MROH2B: variants seen among roughly 807,000 people sequenced by gnomAD.
The protein encoded by MROH2B is maestro heat like repeat family member 2B.
In MROH2B, 177 loss-of-function variants were observed where a neutral mutation model predicts 208.6. The ratio of observed to expected loss-of-function variants is 0.85; its 90% CI spans 0.75 to 0.96. MROH2B has a LOEUF of 0.96. Ranked by LOEUF, MROH2B falls within the 40% of genes least tolerant of loss-of-function variation. The pLI is 0.00. For synonymous variants in MROH2B, 728 were observed against 659.0 expected, an observed-to-expected ratio of 1.10 and a Z score of -1.60; for missense variants, 2,002 against 1,878.7, an observed-to-expected ratio of 1.07 and a Z score of -1.21.
intron 30 of MROH2B, among the ~76,000 whole-genome samples, chr5:41,010,880 C>T (rs1031599532): frequency 4.6e-5 from 7 of 151,970 alleles, no homozygotes; most frequent in East Asian, 1.9e-4. Flanking sequence ...GTGAGGGGAG[C>T]GGGTAGATGG....
chr5:41,032,914 G>A (rs752794171), intron 23 of MROH2B, 93 bp from the exon 24 acceptor site: 1 of 1,544,946 alleles, frequency 6.5e-7, no homozygotes, highest in Non-Finnish European at 8.8e-7. Context: ...GGGTGCCCTG[G>A]GTCATAAACA....
rs11297360 is a variant in MROH2B, at chr5:41,045,628, CTT to C, written c.1836+116_1836+117del. ...CTAGTGGCCTTAAAAAGAGGGAACT[CTT>C]TTTTTTTTTAAATGTTCCTCCCTCC... On this transcript the variant is annotated intron_variant, in intron 18 of 41. Transcript: ENST00000399564. 4,507 of 588,018 alleles carry C rather than the reference CTT, an allele frequency of 7.7e-3. 1 individual carries two copies. The highest frequency in any genetic ancestry group is 9.2e-3 in the Non-Finnish European group (3,060 of 334,422). The allele number at this position is 588,018 out of a possible 1,614,324, so 36.4% of individuals were successfully genotyped here.
At chr5:41,002,240 A>C (rs922400775) in intron 37 of MROH2B, among the ~76,000 whole-genome samples, 3 of 152,202 alleles carry the variant, frequency 2.0e-5, no homozygotes, top group Non-Finnish European at 4.4e-5. Context: ...CGAGATGATG[A>C]AAAATCAGAA....
intron 12 of MROH2B, among the ~76,000 whole-genome samples, chr5:41,052,097 G>A (rs908468515): frequency 6.6e-6 from 1 of 151,874 alleles, no homozygotes; most frequent in East Asian, 1.9e-4. Context: ...AAGCAATCCA[G>A]TCTCTGTGTC....
rs1743645572 is a variant in MROH2B at position 41,061,652 on chromosome 5, T to C, written c.533A>G (p.Asp178Gly). ...GATCTTGTCAGACAGTCGGTTGGCA[T>C]CCAGTCTGGGGTAGGGAAAATCTCT... ...HWRDFPYPRL[D>G]ANRLSDKIFM... is the part of the protein sequence containing the mutation. Residue 178 changes from aspartate to glycine, a missense_variant, in exon 6 of 42, where the codon GAT becomes GGT. Transcript: ENST00000399564. The C allele has an allele frequency of 6.2e-7, 1 of 1,613,824 alleles. No homozygotes were observed. The highest frequency in any genetic ancestry group is 1.7e-5 in the Admixed American group (1 of 59,988).
chr5:41,010,577 T>C (rs980192028), intron 30 of MROH2B, among the ~76,000 whole-genome samples: 2 of 152,144 alleles, frequency 1.3e-5, no homozygotes, highest in Admixed American at 6.5e-5. Flanking sequence ...GGAAAGGGCA[T>C]CCTTGTCAGA....
rs571549815 is a variant in MROH2B, at chr5:41,010,412, C to CCTGT, written c.3136-337_3136-334dup. Reference sequence around the variant, plus strand: ...AGAATATCAATCATAGACCTAAAGGCCTGTAGTCAAGGCAGTCTATGGCAA... The same window carrying CCTGT: ...AGAATATCAATCATAGACCTAAAGGCCTGTCTGTAGTCAAGGCAGTCTATGGCAA... On this transcript the variant is annotated intron_variant, in intron 30 of 41. Transcript: ENST00000399564. Among the ~76,000 whole-genome samples, 221 of 152,224 alleles carry CCTGT rather than the reference C, an allele frequency of 1.5e-3. 2 individuals carry two copies. The highest frequency in any genetic ancestry group is 0.01 in the Middle Eastern group (3 of 294).
chr5:41,059,320 A>G (rs539500523), intron 6 of MROH2B, among the ~76,000 whole-genome samples: 1 of 152,192 alleles, frequency 6.6e-6, no homozygotes, highest in East Asian at 1.9e-4. Flanking sequence ...CACAAATGTT[A>G]TGTTGAAGAA....
At position 41,047,748 on chromosome 5, in the gene MROH2B, G is replaced by T. The variant is rs771699267; in HGVS notation, c.1701C>A (p.Thr567=). ...LQPLEGKNIS[T]VLWETMLLQL... is the part of the protein sequence containing the mutation. ...GAAGCAGCATGGTTTCCCATAGAAC[G>T]GTACTGATGTTCTTTCCTAGAAACA... Residue 567 remains threonine, a synonymous_variant, in exon 17 of 42, where the codon ACC becomes ACA. Transcript: ENST00000399564. 2 of 1,593,352 alleles carry T rather than the reference G, an allele frequency of 1.3e-6. No homozygotes were observed. The highest frequency in any genetic ancestry group is 4.5e-5 in the East Asian group (2 of 44,310).
intron 24 of MROH2B, 42 bp from the exon 25 acceptor site, chr5:41,019,060 C>A: frequency 6.2e-7 from 1 of 1,611,246 alleles, no homozygotes; most frequent in Non-Finnish European, 8.5e-7. Context: ...TTACAGTGAC[C>A]ATCAGAACAT....
chr5:41,023,543 G>C (rs1338329410), intron 24 of MROH2B, among the ~76,000 whole-genome samples: 1 of 152,218 alleles, frequency 6.6e-6, no homozygotes, highest in Non-Finnish European at 1.5e-5. Flanking sequence ...GGGACTATGT[G>C]AAAAGACCAA....
intron 29 of MROH2B, among the ~76,000 whole-genome samples, chr5:41,013,276 A>C (rs1679690488): frequency 6.6e-6 from 1 of 152,200 alleles, no homozygotes; most frequent in Admixed American, 6.5e-5. Context: ...AGAACAGTCC[A>C]TAAAAGGTCA....
intron 28 of MROH2B, among the ~76,000 whole-genome samples, chr5:41,016,087 G>A (rs975611314): frequency 2.6e-5 from 4 of 152,272 alleles, no homozygotes; most frequent in Admixed American, 6.5e-5. Context: ...TGGGACACAC[G>A]TGGACTTTGA....
chr5:41,037,637 T>C (rs928066423), intron 21 of MROH2B, among the ~76,000 whole-genome samples: 3 of 152,214 alleles, frequency 2.0e-5, no homozygotes, highest in Non-Finnish European at 4.4e-5. Context: ...TGCATCAACA[T>C]GTGGTTTGTG....
intron 2 of MROH2B, among the ~76,000 whole-genome samples, chr5:41,069,258 T>C (rs1743906796): frequency 6.6e-6 from 1 of 152,226 alleles, no homozygotes; most frequent in Admixed American, 6.5e-5. Context: ...GTTATTTCTT[T>C]TATTTTATAA....
intron 41 of MROH2B, 116 bp from the exon 42 acceptor site, chr5:40,998,274 A>C (rs1212523950): frequency 1.4e-6 from 1 of 722,340 alleles, no homozygotes; most frequent in Admixed American, 2.3e-5. Flanking sequence ...AGTGGGGCTC[A>C]GGTCCTCATG....
chr5:41,004,707 T>C (rs1741518199), intron 36 of MROH2B, 67 bp downstream of exon 36: 2 of 1,567,810 alleles, frequency 1.3e-6, no homozygotes, highest in Non-Finnish European at 8.6e-7. Flanking sequence ...CAACTAGGCG[T>C]GGGTTATTAA....
intron 11 of MROH2B, among the ~76,000 whole-genome samples, chr5:41,052,839 G>T (rs1440724976): frequency 6.6e-6 from 1 of 152,134 alleles, no homozygotes; most frequent in Non-Finnish European, 1.5e-5. Flanking sequence ...TTCCTAATCT[G>T]AAAATCCAAA....
At chr5:41,053,846 T>TAA (rs1743362629) in intron 11 of MROH2B, among the ~76,000 whole-genome samples, 1 of 152,260 alleles carries the variant, frequency 6.6e-6, no homozygotes, top group Non-Finnish European at 1.5e-5. Flanking sequence ...CAAAGCTTCT[T>TAA]AAAAGAATTT....
Sources: gnomAD v4.1 joint callset for allele counts (sites outside exome capture counted in the v4.1 genomes callset) on GRCh38, gnomAD v4.1.1 for gene constraint, MANE v1.5 for transcripts, NCBI Gene and HGNC (gene_info 2026-07-23, HGNC 2026-07-21) for gene names.